KIAA1958: variants seen among roughly 807,000 people sequenced by gnomAD.
KIAA1958 encodes KIAA1958.
A neutral mutation model predicts 47.2 loss-of-function variants in KIAA1958; 14 were observed. The ratio of observed to expected loss-of-function variants is 0.30; its 90% CI spans 0.20 to 0.46. The LOEUF is 0.46. Among genes scored for constraint, KIAA1958 ranks in the 20% least tolerant of loss-of-function variants. The probability of loss-of-function intolerance (pLI) is 1.00; values close to 1 mark genes in which losing one functional copy is unlikely to be tolerated. For missense variants in KIAA1958, 803 were observed against 909.2 expected (o/e 0.88, Z 1.50); for synonymous variants, 354 against 353.3 (o/e 1.00, Z -0.02).
At chr9:112,547,510 C>T (rs1280698017) in intron 1 of KIAA1958, among the ~76,000 whole-genome samples, 3 of 151,854 alleles carry the variant, frequency 2.0e-5, no homozygotes, top group Non-Finnish European at 2.9e-5. Context: ...GGGAGTCAGA[C>T]ATGCTTCATT....
rs41280179 is a variant in KIAA1958, at chr9:112,663,312, G to T, written c.*3243G>T. On this transcript the variant is annotated 3_prime_UTR_variant, in exon 4 of 4. Transcript: ENST00000337530. ...CTTACTCTGGCACAGAAGCTAGGAT[G>T]TCACCTTAAAGGGTGTGATTCAATT... The T allele has an allele frequency of 0.05, 7,587 of 152,228 alleles. 270 individuals are homozygous for T. The highest frequency in any genetic ancestry group is 0.074 in the Middle Eastern group (22 of 296). The allele number at this position is 152,228 out of a possible 1,614,324, so 9.4% of individuals were successfully genotyped here.
At chr9:112,656,020 T>C (rs1263814777) in intron 3 of KIAA1958, among the ~76,000 whole-genome samples, 1 of 151,898 alleles carries the variant, frequency 6.6e-6, no homozygotes, top group East Asian at 1.9e-4. Context: ...AACAAAGGGT[T>C]TTAAGGTACA....
intron 1 of KIAA1958, among the ~76,000 whole-genome samples, chr9:112,531,871 C>G (rs544704581): frequency 1.1e-4 from 16 of 152,346 alleles, no homozygotes; most frequent in African/African-American, 3.6e-4. Context: ...GAAACCATGA[C>G]TTCATTAATG....
At chr9:112,488,757 G>A (rs1833912961) in intron 1 of KIAA1958, among the ~76,000 whole-genome samples, 1 of 152,110 alleles carries the variant, frequency 6.6e-6, no homozygotes, top group Non-Finnish European at 1.5e-5. Flanking sequence ...AGTAAACAGT[G>A]TACAATTTAA....
Position 112,574,966 on chromosome 9 carries a change from C to G in KIAA1958, c.886C>G (p.Pro296Ala), listed in dbSNP as rs61910738. Residue 296 changes from proline (P) to alanine (A), a missense_variant, in exon 2 of 4, where the codon CCC becomes GCC. Pro to Ala is a conservative substitution (Grantham distance 27). This residue lies in a region of KIAA1958 where 761 missense variants were observed against 829.3 expected (regional missense o/e 0.92). Coordinates refer to ENST00000337530, the MANE Select transcript of KIAA1958 (RefSeq NM_133465.4). ...RVSLASPNRG[P>A]PGTHGTNQQV... ...ATCTCTGGCTTCACCAAACAGAGGA[C>G]CCCCTGGTACACATGGCACCAACCA... is the stretch of plus-strand genomic sequence containing the variant. 219 of 1,614,100 alleles carry G rather than the reference C, an allele frequency of 1.4e-4. No homozygotes were observed. In the African/African-American group the frequency reaches 2.5e-3, roughly 18 times the overall value.
intron 1 of KIAA1958, among the ~76,000 whole-genome samples, chr9:112,497,805 C>A (rs1288734013): frequency 1.3e-5 from 2 of 152,094 alleles, no homozygotes; most frequent in African/African-American, 4.8e-5. Flanking sequence ...CTCCACTGCT[C>A]CCCCAACCAT....
intron 2 of KIAA1958, among the ~76,000 whole-genome samples, chr9:112,586,919 CATTAATTCAA>C (rs1835836530): frequency 6.6e-6 from 1 of 152,112 alleles, no homozygotes; most frequent in African/African-American, 2.4e-5. Flanking sequence ...TCCAGCATCC[CATTAATTCAA>C]ATGTTATTGC....
intron 2 of KIAA1958, among the ~76,000 whole-genome samples, chr9:112,632,420 T>G (rs1035572573): frequency 3.9e-5 from 6 of 152,136 alleles, no homozygotes; most frequent in African/African-American, 1.4e-4. Flanking sequence ...CTTTGCACAC[T>G]TGTGTATTTC....
At chr9:112,518,746 A>C (rs1224212799) in intron 1 of KIAA1958, among the ~76,000 whole-genome samples, 2 of 152,202 alleles carry the variant, frequency 1.3e-5, no homozygotes, top group African/African-American at 2.4e-5. Flanking sequence ...ATTCCAATAA[A>C]GGCATTTTTT....
At chr9:112,571,050 C>A (rs2131170100) in intron 1 of KIAA1958, among the ~76,000 whole-genome samples, 2 of 152,330 alleles carry the variant, frequency 1.3e-5, no homozygotes, top group Admixed American at 1.3e-4. Context: ...TGTATTTGTT[C>A]TGTCTGGGGC....
chr9:112,493,464 ATC>A (rs1834004783), intron 1 of KIAA1958, among the ~76,000 whole-genome samples: 2 of 152,176 alleles, frequency 1.3e-5, no homozygotes, highest in South Asian at 4.1e-4. Flanking sequence ...TTTAGGAGTT[ATC>A]TCTGATTCCT....
intron 1 of KIAA1958, among the ~76,000 whole-genome samples, chr9:112,560,198 C>CTCT (rs1296193785): frequency 9.2e-6 from 1 of 108,654 alleles, no homozygotes; most frequent in East Asian, 2.4e-4. Context: ...TTTTCTTTTT[C>CTCT]TTTTTTTTTC....
rs375726575 is a variant in KIAA1958, at chr9:112,660,641, T to G, written c.*572T>G. ...GTCGGGGAGTATCCTCAAGCGACAC[T>G]TGGTCATCTGACAAGGACTTGGGCT... On this transcript the variant is annotated 3_prime_UTR_variant, in exon 4 of 4. Transcript: ENST00000337530. The G allele has an allele frequency of 2.6e-5, 4 of 154,678 alleles. No individual in the cohort carries two copies. The highest frequency in any genetic ancestry group is 9.6e-5 in the African/African-American group (4 of 41,456). The allele number at this position is 154,678 out of a possible 1,614,324, so 9.6% of individuals were successfully genotyped here. A position where few individuals can be genotyped will look rare whatever the true frequency, so the allele number is the denominator to read the frequency against.
chr9:112,514,698 G>A (rs1834384404), intron 1 of KIAA1958, among the ~76,000 whole-genome samples: 1 of 5,274 alleles, frequency 1.9e-4, no homozygotes, highest in Non-Finnish European at 3.0e-4. Flanking sequence ...CTCTCCGCCC[G>A]GCCAGCCGCC....
At chr9:112,631,767 C>A (rs1836714514) in intron 2 of KIAA1958, among the ~76,000 whole-genome samples, 2 of 152,112 alleles carry the variant, frequency 1.3e-5, no homozygotes, top group Non-Finnish European at 2.9e-5. Flanking sequence ...AAAAACTAAT[C>A]TAGCTGTAGT....
chr9:112,525,912 A>C (rs1834629828), intron 1 of KIAA1958, among the ~76,000 whole-genome samples: 1 of 133,582 alleles, frequency 7.5e-6, no homozygotes, highest in Non-Finnish European at 1.6e-5. Context: ...AGCTTCATTT[A>C]TATTCTTTCT....
At chr9:112,544,275 T>G (rs1410251572) in intron 1 of KIAA1958, among the ~76,000 whole-genome samples, 1 of 152,248 alleles carries the variant, frequency 6.6e-6, no homozygotes, top group African/African-American at 2.4e-5. Context: ...GAGAGGGCCC[T>G]GCGAGACCAC....
At chr9:112,634,900 T>TTTCC (rs1466172017) in intron 2 of KIAA1958, among the ~76,000 whole-genome samples, 1 of 152,216 alleles carries the variant, frequency 6.6e-6, no homozygotes, top group African/African-American at 2.4e-5. Flanking sequence ...GTCTCCTGTG[T>TTTCC]TTCCTTCCTT....
intron 1 of KIAA1958, among the ~76,000 whole-genome samples, chr9:112,570,995 A>T (rs1329183261): frequency 6.6e-6 from 1 of 152,222 alleles, no homozygotes; most frequent in African/African-American, 2.4e-5. Flanking sequence ...AAGGCAGCGA[A>T]AAAGAAGCCT....
Sources: gnomAD v4.1 joint callset for allele counts (sites outside exome capture counted in the v4.1 genomes callset) on GRCh38, gnomAD v4.1.1 for gene constraint, gnomAD v4.1.1 regional missense constraint, MANE v1.5 for transcripts, NCBI Gene and HGNC (gene_info 2026-07-23, HGNC 2026-07-21) for gene names.